Variants in FAM13A observed in about 807,000 individuals in gnomAD.
FAM13A encodes protein FAM13A.
Under a neutral mutation model 129.6 loss-of-function variants are expected in FAM13A, and 76 were observed. The ratio of observed to expected loss-of-function variants is 0.59; its 90% CI spans 0.49 to 0.71. The LOEUF (loss-of-function observed/expected upper bound fraction) is 0.71, where lower values mean the gene tolerates loss of function less well. Among genes scored for constraint, FAM13A ranks in the 30% least tolerant of loss-of-function variants. The pLI, the probability that FAM13A is intolerant of heterozygous loss-of-function variation, is 0.00. For missense variants in FAM13A, 1,108 were observed against 1,249.3 expected, an observed-to-expected ratio of 0.89 and a Z score of 1.70; for synonymous variants, 443 against 449.9, an observed-to-expected ratio of 0.98 and a Z score of 0.20.
intron 1 of FAM13A, among the ~76,000 whole-genome samples, chr4:89,051,753 G>T (rs949639335): frequency 6.6e-6 from 1 of 152,074 alleles, no homozygotes; most frequent in South Asian, 2.1e-4. Flanking sequence ...TCCCATTCAA[G>T]AAAGGGAAAT....
At chr4:88,809,966 T>C (rs542675994) in intron 7 of FAM13A, among the ~76,000 whole-genome samples, 1 of 152,088 alleles carries the variant, frequency 6.6e-6, no homozygotes, top group East Asian at 1.9e-4. Context: ...TATTTTACAA[T>C]TCTTTTTTGT....
intron 3 of FAM13A, among the ~76,000 whole-genome samples, chr4:89,009,600 A>T (rs1363049234): frequency 6.6e-6 from 1 of 152,196 alleles, no homozygotes; most frequent in Non-Finnish European, 1.5e-5. Flanking sequence ...CTTCCTGTTA[A>T]TTTGGTAGTC....
chr4:89,043,431 T>C (rs1226867945), intron 1 of FAM13A, among the ~76,000 whole-genome samples: 3 of 151,998 alleles, frequency 2.0e-5, no homozygotes, highest in African/African-American at 7.2e-5. Context: ...TTTGTAGCAA[T>C]AGAGGGGGGA....
intron 5 of FAM13A, among the ~76,000 whole-genome samples, chr4:88,921,397 C>T (rs1251589591): frequency 6.6e-6 from 1 of 152,154 alleles, no homozygotes; most frequent in Non-Finnish European, 1.5e-5. Flanking sequence ...GGCCAATATT[C>T]AACATTCTTA....
intron 4 of FAM13A, among the ~76,000 whole-genome samples, chr4:88,961,080 T>C (rs1411451002): frequency 2.6e-5 from 4 of 152,076 alleles, no homozygotes; most frequent in Non-Finnish European, 5.9e-5. Flanking sequence ...GACTTTCTAA[T>C]AAAAATAGTG....
Position 88,763,922 on chromosome 4 carries a change from T to G in FAM13A, c.1578+3631A>C, listed in dbSNP as rs114196387. ...CTATTGGATTGATTTGGAAGCGAATTTGAAGTAAATAGAGCTTGTTAATTT... is the reference window on the plus strand; with the variant it reads ...CTATTGGATTGATTTGGAAGCGAATGTGAAGTAAATAGAGCTTGTTAATTT... On this transcript the variant is annotated intron_variant, in intron 13 of 23. Transcript: ENST00000264344. Among the ~76,000 whole-genome samples the G allele has an allele frequency of 4.4e-3, 677 of 152,350 alleles. 10 individuals are homozygous for G. Among genetic ancestry groups the G allele is most frequent in the African/African-American group, 0.015 (636 of 41,584 alleles).
At chr4:88,832,747 T>A (rs1734100683) in intron 7 of FAM13A, among the ~76,000 whole-genome samples, 1 of 152,090 alleles carries the variant, frequency 6.6e-6, no homozygotes, top group East Asian at 1.9e-4. Flanking sequence ...CTGGCAAGGT[T>A]AAGGAGAAAA....
At chr4:88,875,034 A>T (rs1170192337) in intron 6 of FAM13A, among the ~76,000 whole-genome samples, 2 of 152,228 alleles carry the variant, frequency 1.3e-5, no homozygotes, top group Non-Finnish European at 2.9e-5. Context: ...AAAACAAGAA[A>T]TGGGGAAAGG....
intron 7 of FAM13A, among the ~76,000 whole-genome samples, chr4:88,810,385 T>C (rs1561055699): frequency 1.3e-5 from 2 of 152,122 alleles, no homozygotes; most frequent in Non-Finnish European, 2.9e-5. Flanking sequence ...TTGACAGAGA[T>C]GATCAAATTA....
At chr4:88,735,861 A>C (rs1224173080) in intron 21 of FAM13A, among the ~76,000 whole-genome samples, 1 of 152,234 alleles carries the variant, frequency 6.6e-6, no homozygotes, top group Admixed American at 6.5e-5. Context: ...CTTGTGAAAA[A>C]AAATTAAGCT....
At position 88,930,568 on chromosome 4, in the gene FAM13A, T is replaced by C. The variant is rs183746011; in HGVS notation, c.759+7520A>G. 1.5e-4 allele frequency among the ~76,000 whole-genome samples: 23 copies of C among 152,210 alleles called. 1 individual carries two copies. The East Asian group carries it at 4.4e-3, about 29-fold the overall frequency. ...AACTAAGCCAGTATTTGGGCCCTGG[T>C]GGTGGCAGCAATGGATTAAGTGTCC... is the stretch of plus-strand genomic sequence containing the variant. On this transcript the variant is annotated intron_variant, in intron 5 of 23. Transcript: ENST00000264344.
intron 4 of FAM13A, among the ~76,000 whole-genome samples, chr4:88,966,967 G>T (rs1759438612): frequency 6.6e-6 from 1 of 152,178 alleles, no homozygotes; most frequent in Non-Finnish European, 1.5e-5. Context: ...TAGATGTAAA[G>T]AATTCAGGCT....
At chr4:88,914,473 C>T (rs1451436247) in intron 5 of FAM13A, among the ~76,000 whole-genome samples, 1 of 152,160 alleles carries the variant, frequency 6.6e-6, no homozygotes, top group Non-Finnish European at 1.5e-5. Flanking sequence ...TCTTCAAATA[C>T]CCCAAGTCCC....
At chr4:88,731,078 G>A (rs1278857669) in intron 23 of FAM13A, among the ~76,000 whole-genome samples, 5 of 152,198 alleles carry the variant, frequency 3.3e-5, no homozygotes, top group Admixed American at 6.5e-5. Flanking sequence ...TTTCATAAAT[G>A]TCAGCTGAAT....
chr4:88,945,812 A>ATATATATATATAAGTATATATATAT (rs1560479843), intron 4 of FAM13A, among the ~76,000 whole-genome samples: 10 of 139,812 alleles, frequency 7.2e-5, no homozygotes, highest in African/African-American at 2.4e-4. Context: ...TATATATATT[A>ATATATATATATAAGTATATATATAT]TATATATATA....
At chr4:88,802,056 T>C (rs1561032030) in intron 8 of FAM13A, among the ~76,000 whole-genome samples, 1 of 151,948 alleles carries the variant, frequency 6.6e-6, no homozygotes, top group African/African-American at 2.4e-5. Flanking sequence ...CACCACCAAG[T>C]TGTTTTGATG....
intron 7 of FAM13A, among the ~76,000 whole-genome samples, chr4:88,850,745 A>G (rs910816452): frequency 6.6e-6 from 1 of 152,212 alleles, no homozygotes; most frequent in African/African-American, 2.4e-5. Context: ...AAAGCATCCA[A>G]AAATAACAAT....
intron 6 of FAM13A, among the ~76,000 whole-genome samples, chr4:88,882,009 T>C (rs1051211269): frequency 6.6e-6 from 1 of 152,146 alleles, no homozygotes; most frequent in African/African-American, 2.4e-5. Context: ...CTAACCATAA[T>C]TGTTGTTCCC....
intron 3 of FAM13A, among the ~76,000 whole-genome samples, chr4:89,017,003 A>G (rs1166704093): frequency 2.6e-5 from 4 of 152,238 alleles, no homozygotes; most frequent in Non-Finnish European, 5.9e-5. Context: ...AACTGCCTAC[A>G]GTATTCAGTA....
Sources: allele counts gnomAD v4.1 joint callset (sites outside exome capture counted in the v4.1 genomes callset), GRCh38; gene constraint gnomAD v4.1.1; transcripts MANE v1.5; gene names NCBI Gene and HGNC (gene_info 2026-07-23, HGNC 2026-07-21).